The following GRID1 variants were observed in gnomAD, a reference collection of about 807,000 sequenced individuals.
The protein encoded by GRID1 is glutamate receptor ionotropic, delta-1.
In GRID1, 28 loss-of-function variants were observed where a neutral mutation model predicts 98.0. The observed-to-expected ratio is 0.29, with a 90% CI of 0.21 to 0.39. The LOEUF (loss-of-function observed/expected upper bound fraction) is 0.39, where lower values mean the gene tolerates loss of function less well. Ranked by LOEUF, GRID1 falls within the 10% of genes least tolerant of loss-of-function variation. GRID1 has a pLI of 1.00. For synonymous variants in GRID1, 553 were observed against 538.5 expected, an observed-to-expected ratio of 1.03 and a Z score of -0.37; for missense variants, 1,111 against 1,340.5, an observed-to-expected ratio of 0.83 and a Z score of 2.67.
intron 4 of GRID1, among the ~76,000 whole-genome samples, chr10:85,951,342 A>T (rs538427873): frequency 6.6e-6 from 1 of 152,292 alleles, no homozygotes; most frequent in South Asian, 2.1e-4. Flanking sequence ...GTGCAGAGGG[A>T]GTTCTAAGCA....
intron 8 of GRID1, among the ~76,000 whole-genome samples, chr10:85,747,305 G>A (rs1050605338): frequency 2.0e-5 from 3 of 152,132 alleles, no homozygotes; most frequent in South Asian, 2.1e-4. Context: ...GCAAGCAGGA[G>A]AGAAGAAGGA....
At chr10:86,186,478 C>T (rs1177947329) in intron 3 of GRID1, among the ~76,000 whole-genome samples, 1 of 152,038 alleles carries the variant, frequency 6.6e-6, no homozygotes, top group African/African-American at 2.4e-5. Context: ...GCTCTTTTTT[C>T]CTAGCTTCCT....
intron 8 of GRID1, among the ~76,000 whole-genome samples, chr10:85,773,769 A>G (rs376323678): frequency 3.9e-5 from 6 of 152,200 alleles, no homozygotes; most frequent in African/African-American, 1.2e-4. Context: ...ACTTACAAGG[A>G]ACGTGAAGGA....
intron 12 of GRID1, among the ~76,000 whole-genome samples, chr10:85,697,397 TAA>T (rs914044685): frequency 1.3e-5 from 2 of 152,174 alleles, no homozygotes; most frequent in Non-Finnish European, 2.9e-5. Flanking sequence ...CTCTATGGCA[TAA>T]AGTCCATTCT....
chr10:86,350,358 G>A (rs1428890178), intron 2 of GRID1, among the ~76,000 whole-genome samples: 4 of 152,210 alleles, frequency 2.6e-5, no homozygotes, highest in Admixed American at 2.6e-4. Flanking sequence ...CATGGACAAT[G>A]GCCTGGAGGG....
chr10:86,338,351 G>C lies in GRID1; in HGVS notation c.235+25590C>G, dbSNP rs190130910. Among the ~76,000 whole-genome samples, 4 of 152,210 alleles carry C rather than the reference G, an allele frequency of 2.6e-5. No homozygotes were observed. In the East Asian group the frequency reaches 7.7e-4, roughly 29 times the overall value. On this transcript the variant is annotated intron_variant, in intron 2 of 15. Coordinates refer to ENST00000327946, the MANE Select transcript of GRID1 (RefSeq NM_017551.3). ...TTTCTCTGCCATTTTTGCTAAGCCCGAATAGTGGATGACGTGGAAGGAGCC... is the reference window on the plus strand; with the variant it reads ...TTTCTCTGCCATTTTTGCTAAGCCCCAATAGTGGATGACGTGGAAGGAGCC...
chr10:85,690,890 C>T (rs1355014576), intron 12 of GRID1, among the ~76,000 whole-genome samples: 1 of 152,068 alleles, frequency 6.6e-6, no homozygotes, highest in South Asian at 2.1e-4. Context: ...CACACACACA[C>T]ACATTGTTCC....
chr10:85,631,322 C>T (rs2132535050), intron 13 of GRID1, among the ~76,000 whole-genome samples: 1 of 152,286 alleles, frequency 6.6e-6, no homozygotes, highest in South Asian at 2.1e-4. Flanking sequence ...GCCCCCTGAC[C>T]ATCCTGTCCT....
At chr10:86,222,852 GCACTAGGGC>G (rs1222643229) in intron 2 of GRID1, among the ~76,000 whole-genome samples, 2 of 152,136 alleles carry the variant, frequency 1.3e-5, no homozygotes, top group Non-Finnish European at 2.9e-5. Flanking sequence ...AGCCACAAGG[GCACTAGGGC>G]CACAGTCAGG....
chr10:86,221,655 G>A (rs557886920), intron 2 of GRID1, among the ~76,000 whole-genome samples: 6 of 152,344 alleles, frequency 3.9e-5, no homozygotes, highest in African/African-American at 1.2e-4. Context: ...CCAAGGCCCA[G>A]CACCCTCCAG....
chr10:86,125,823 ATT>A (rs1431885871), intron 4 of GRID1, among the ~76,000 whole-genome samples: 16 of 152,006 alleles, frequency 1.1e-4, no homozygotes, highest in Admixed American at 6.6e-5. Flanking sequence ...TAGTAAATAT[ATT>A]TTCTCTTCCT....
intron 4 of GRID1, among the ~76,000 whole-genome samples, chr10:86,101,526 A>C (rs1387325650): frequency 6.6e-6 from 1 of 151,856 alleles, no homozygotes; most frequent in Non-Finnish European, 1.5e-5. Flanking sequence ...ATTATGGAGT[A>C]TGAGGCCTCT....
In GRID1 at chr10:85,946,379, G is replaced by A. The variant is rs1466520317; in HGVS notation, c.727-30140C>T. On this transcript the variant is annotated intron_variant, in intron 4 of 15. Transcript: ENST00000327946. ...ACCCTGCTCAGTGTCCACTCCATTCGACCCAAGTGTCAACTCGTGTTAAAT... is the reference window on the plus strand; with the variant it reads ...ACCCTGCTCAGTGTCCACTCCATTCAACCCAAGTGTCAACTCGTGTTAAAT... 2.0e-5 allele frequency among the ~76,000 whole-genome samples: 3 copies of A among 152,126 alleles called. No individual in the cohort carries two copies. The South Asian group carries it at 6.2e-4, about 32-fold the overall frequency.
chr10:85,742,262 T>C (rs1003899001), intron 8 of GRID1, among the ~76,000 whole-genome samples: 4 of 152,108 alleles, frequency 2.6e-5, no homozygotes, highest in African/African-American at 9.7e-5. Flanking sequence ...TAAAGGACCA[T>C]GTTTACCATA....
intron 2 of GRID1, among the ~76,000 whole-genome samples, chr10:86,291,187 G>A: frequency 6.6e-6 from 1 of 152,210 alleles, no homozygotes. Context: ...GGCGGGGGGT[G>A]GAAAGCAGAG....
intron 5 of GRID1, among the ~76,000 whole-genome samples, chr10:85,884,672 C>G (rs940108090): frequency 2.6e-5 from 4 of 152,170 alleles, no homozygotes; most frequent in African/African-American, 9.7e-5. Context: ...AATCCTATTT[C>G]ATCAGTACTG....
rs562123078 is a variant in GRID1, at chr10:85,827,018, A to C, written c.1233+27478T>G. 5.3e-5 allele frequency among the ~76,000 whole-genome samples: 8 copies of C among 152,372 alleles called. No homozygotes were observed. In the South Asian group the frequency reaches 1.7e-3, roughly 32 times the overall value. Reference sequence around the variant, plus strand: ...AAAGATTGAAGGAATATGAGTCCACACAGTTGAGAAAGAACCAGTGCAAGA... The same window carrying C: ...AAAGATTGAAGGAATATGAGTCCACCCAGTTGAGAAAGAACCAGTGCAAGA... On this transcript the variant is annotated intron_variant, in intron 8 of 15. Coordinates refer to ENST00000327946, the MANE Select transcript of GRID1 (RefSeq NM_017551.3).
chr10:85,873,002 C>T (rs904653239), intron 5 of GRID1, among the ~76,000 whole-genome samples: 3 of 152,212 alleles, frequency 2.0e-5, no homozygotes, highest in Admixed American at 2.0e-4. Flanking sequence ...TTTCTCCTTG[C>T]GTAAGTCCCA....
intron 12 of GRID1, among the ~76,000 whole-genome samples, chr10:85,694,596 A>G (rs978369378): frequency 4.6e-5 from 5 of 107,710 alleles, no homozygotes; most frequent in African/African-American, 9.3e-5. Flanking sequence ...ATATATATAT[A>G]TATATAATGG....
Sources: allele counts gnomAD v4.1 joint callset (sites outside exome capture counted in the v4.1 genomes callset), GRCh38; gene constraint gnomAD v4.1.1; transcripts MANE v1.5; gene names NCBI Gene and HGNC (gene_info 2026-07-23, HGNC 2026-07-21).